Variants in CYTIP observed in about 807,000 individuals in gnomAD.
CYTIP encodes the protein cytohesin-interacting protein.
A neutral mutation model predicts 43.8 loss-of-function variants in CYTIP; 26 were observed. The ratio of observed to expected loss-of-function variants is 0.59; its 90% CI spans 0.44 to 0.82. The LOEUF is 0.82. Among genes scored for constraint, CYTIP ranks in the 40% least tolerant of loss-of-function variants. The pLI, the probability that CYTIP is intolerant of heterozygous loss-of-function variation, is 0.00. For missense variants in CYTIP, 426 were observed against 443.1 expected, an observed-to-expected ratio of 0.96 and a Z score of 0.35; for synonymous variants, 162 against 162.9, an observed-to-expected ratio of 0.99 and a Z score of 0.04.
intron 5 of CYTIP, among the ~76,000 whole-genome samples, chr2:157,427,950 T>C (rs934492779): frequency 6.6e-6 from 1 of 152,184 alleles, no homozygotes; most frequent in Non-Finnish European, 1.5e-5. Flanking sequence ...CCTTTACCTC[T>C]GTAAATCTCC....
At chr2:157,438,093 A>G (rs1466889410) in intron 1 of CYTIP, among the ~76,000 whole-genome samples, 1 of 152,250 alleles carries the variant, frequency 6.6e-6, no homozygotes, top group Admixed American at 6.5e-5. Context: ...TTACAGCACT[A>G]TTCACAATAG....
chr2:157,419,234 G>A (rs1257905009), intron 6 of CYTIP, among the ~76,000 whole-genome samples: 1 of 152,120 alleles, frequency 6.6e-6, no homozygotes, highest in Non-Finnish European at 1.5e-5. Flanking sequence ...TCCTGACCTC[G>A]TGATCTGCCT....
intron 3 of CYTIP, 145 bp downstream of exon 3, chr2:157,434,225 A>G (rs1685757372): frequency 1.4e-6 from 1 of 717,542 alleles, no homozygotes; most frequent in Non-Finnish European, 2.5e-6. Context: ...ACACTGAAAA[A>G]CTACCCCCAA....
chr2:157,422,657 C>T (rs1413989030), intron 6 of CYTIP, among the ~76,000 whole-genome samples: 9 of 136,550 alleles, frequency 6.6e-5, no homozygotes, highest in African/African-American at 1.1e-4. Context: ...GTGACAAGGG[C>T]GAAACTCTGT....
At chr2:157,440,698 T>A (rs1685894791) in intron 1 of CYTIP, among the ~76,000 whole-genome samples, 1 of 152,182 alleles carries the variant, frequency 6.6e-6, no homozygotes, top group Non-Finnish European at 1.5e-5. Context: ...TTAGCAATAA[T>A]GTGATAACTA....
At chr2:157,439,985 T>C (rs1010860181) in intron 1 of CYTIP, among the ~76,000 whole-genome samples, 16 of 152,336 alleles carry the variant, frequency 1.1e-4, no homozygotes, top group African/African-American at 3.6e-4. Context: ...CAGCTCTCCT[T>C]AGAGAAGCTC....
At chr2:157,438,248 T>C (rs1156716877) in intron 1 of CYTIP, among the ~76,000 whole-genome samples, 1 of 152,122 alleles carries the variant, frequency 6.6e-6, no homozygotes, top group East Asian at 1.9e-4. Context: ...CTGGAAGACA[T>C]TATGTTAAGT....
At chr2:157,434,582 CTG>C (rs1685776504) in intron 2 of CYTIP, 114 bp downstream of exon 2, 2 of 824,462 alleles carry the variant, frequency 2.4e-6, no homozygotes, top group Admixed American at 2.5e-5. Context: ...GTGTGTGCGT[CTG>C]TGTGTGTGCG....
chr2:157,430,022 CAAAAAAAAAAAA>C lies in CYTIP; in HGVS notation c.476+525_476+536del, dbSNP rs768455650. ...AGGGCGACAGAGCGAGACTCCGTCT[CAAAAAAAAAAAA>C]AAAAAAAAGAAGTTTGGAACATTTG... On this transcript the variant is annotated intron_variant, in intron 5 of 7. Coordinates refer to ENST00000264192, the MANE Select transcript of CYTIP (RefSeq NM_004288.5). 7.6e-5 allele frequency among the ~76,000 whole-genome samples: 4 copies of C among 52,698 alleles called. No individual in the cohort carries two copies. The Admixed American group carries it at 8.0e-4, about 11-fold the overall frequency. 34.6% of individuals were successfully genotyped at this position (52,698 alleles called of 152,430 possible).
intron 2 of CYTIP, 106 bp downstream of exon 2, chr2:157,434,592 G>T: frequency 1.2e-6 from 1 of 802,062 alleles, no homozygotes; most frequent in Non-Finnish European, 2.0e-6. Flanking sequence ...CTGTGTGTGT[G>T]CGTAGAGAGA....
At chr2:157,434,614 A>G (rs1685777535) in intron 2 of CYTIP, 84 bp downstream of exon 2, 2 of 1,004,092 alleles carry the variant, frequency 2.0e-6, no homozygotes, top group Non-Finnish European at 3.1e-6. Flanking sequence ...AGAGAGAGAG[A>G]GAGGAAGAGA....
Position 157,430,844 on chromosome 2 carries a change from C to G in CYTIP, c.382+16G>C. 3 of 1,594,240 alleles carry G rather than the reference C, an allele frequency of 1.9e-6. No homozygotes were observed. Among genetic ancestry groups the G allele is most frequent in the Non-Finnish European group, 2.6e-6 (3 of 1,172,554 alleles). On this transcript the variant is annotated intron_variant, in intron 4 of 7. Coordinates refer to ENST00000264192, the MANE Select transcript of CYTIP (RefSeq NM_004288.5). Reference sequence around the variant, plus strand: ...CCATTTAAATGATTCCTAACATGAGCAAAAATTTAAGTTACCAGCTTGCAG... The same window carrying G: ...CCATTTAAATGATTCCTAACATGAGGAAAAATTTAAGTTACCAGCTTGCAG...
intron 7 of CYTIP, among the ~76,000 whole-genome samples, chr2:157,416,755 C>T (rs1002807196): frequency 6.6e-6 from 1 of 152,164 alleles, no homozygotes; most frequent in Non-Finnish European, 1.5e-5. Flanking sequence ...TTTTGGAATA[C>T]TTAAATTCTC....
chr2:157,428,378 C>A (rs60357101), intron 5 of CYTIP, among the ~76,000 whole-genome samples: 2,456 of 152,258 alleles, frequency 0.016, 21 homozygotes, highest in East Asian at 0.069. Context: ...TAGCATCATG[C>A]CAGGAATAAT....
At chr2:157,428,122 A>G (rs1223508142) in intron 5 of CYTIP, among the ~76,000 whole-genome samples, 6 of 152,206 alleles carry the variant, frequency 3.9e-5, no homozygotes, top group Non-Finnish European at 5.9e-5. Context: ...TCTAAAAATA[A>G]AATACTTGTT....
In CYTIP at chr2:157,430,975, A is replaced by C; in HGVS notation, c.280-13T>G. 1.3e-6 allele frequency: 2 copies of C among 1,589,708 alleles called. No homozygotes were observed. The highest frequency in any genetic ancestry group is 1.7e-6 in the Non-Finnish European group (2 of 1,169,692). On this transcript the variant is annotated splice_polypyrimidine_tract_variant and intron_variant, in intron 3 of 7. Transcript: ENST00000264192. ...GGGGCCTGTAAGACTGTAAAAATTAAGATGATATATAGTTACTATTTAACA... is the reference window on the plus strand; with the variant it reads ...GGGGCCTGTAAGACTGTAAAAATTACGATGATATATAGTTACTATTTAACA...
At chr2:157,434,477 T>G in intron 2 of CYTIP, 53 bp from the exon 3 acceptor site, 1 of 1,339,580 alleles carries the variant, frequency 7.5e-7, no homozygotes, top group African/African-American at 1.5e-5. Flanking sequence ...AGTATCACAT[T>G]TGGCACAGAT....
intron 3 of CYTIP, among the ~76,000 whole-genome samples, chr2:157,432,870 AGC>A (rs1294977418): frequency 6.6e-6 from 1 of 152,152 alleles, no homozygotes; most frequent in Non-Finnish European, 1.5e-5. Flanking sequence ...GACAATGGAG[AGC>A]ATATACCAGA....
intron 1 of CYTIP, among the ~76,000 whole-genome samples, chr2:157,443,538 C>T (rs1175720072): frequency 1.3e-5 from 2 of 152,188 alleles, no homozygotes; most frequent in African/African-American, 4.8e-5. Context: ...AATTAATTCT[C>T]ATACTGGTTG....
Sources: allele counts gnomAD v4.1 joint callset (sites outside exome capture counted in the v4.1 genomes callset), GRCh38; gene constraint gnomAD v4.1.1; transcripts MANE v1.5; gene names NCBI Gene and HGNC (gene_info 2026-07-23, HGNC 2026-07-21).